The following NXPH1 variants were observed in gnomAD, a reference collection of about 807,000 sequenced individuals.
The protein encoded by NXPH1 is neurexophilin-1.
In NXPH1, 5 loss-of-function variants were observed where a neutral mutation model predicts 23.7. The observed-to-expected ratio is 0.21, with a 90% CI of 0.11 to 0.44. The LOEUF (loss-of-function observed/expected upper bound fraction) is 0.44, where lower values mean the gene tolerates loss of function less well. Ranked by LOEUF, NXPH1 falls within the 20% of genes least tolerant of loss-of-function variation. NXPH1 has a pLI of 0.99. For missense variants in NXPH1, 324 were observed against 321.6 expected, an observed-to-expected ratio of 1.01 and a Z score of -0.06; for synonymous variants, 144 against 122.2, an observed-to-expected ratio of 1.18 and a Z score of -1.18.
intron 2 of NXPH1, among the ~76,000 whole-genome samples, chr7:8,477,539 A>G (rs1241374732): frequency 6.6e-6 from 1 of 152,132 alleles, no homozygotes; most frequent in Non-Finnish European, 1.5e-5. Flanking sequence ...GGATAGAGAG[A>G]GCTATGTAAT....
intron 2 of NXPH1, among the ~76,000 whole-genome samples, chr7:8,485,737 T>C (rs1192409674): frequency 6.6e-6 from 1 of 152,188 alleles, no homozygotes; most frequent in Non-Finnish European, 1.5e-5. Flanking sequence ...TTTTCAACTG[T>C]AGGCTAATAA....
chr7:8,587,571 G>A (rs993965556), intron 2 of NXPH1, among the ~76,000 whole-genome samples: 8 of 152,226 alleles, frequency 5.3e-5, no homozygotes, highest in Non-Finnish European at 1.0e-4. Flanking sequence ...GTGTCATGGT[G>A]GTTTGTTGCA....
chr7:8,448,642 C>G (rs1171306377), intron 2 of NXPH1, among the ~76,000 whole-genome samples: 1 of 152,034 alleles, frequency 6.6e-6, no homozygotes, highest in Non-Finnish European at 1.5e-5. Flanking sequence ...CATGGTGAAA[C>G]CCTGTCTCTA....
At chr7:8,477,719 C>T (rs1480038785) in intron 2 of NXPH1, among the ~76,000 whole-genome samples, 1 of 152,080 alleles carries the variant, frequency 6.6e-6, no homozygotes, top group Admixed American at 6.6e-5. Flanking sequence ...GCATCAGGAT[C>T]ACATAGATGA....
chr7:8,587,566 A>T (rs1467762754), intron 2 of NXPH1, among the ~76,000 whole-genome samples: 1 of 152,204 alleles, frequency 6.6e-6, no homozygotes, highest in East Asian at 1.9e-4. Context: ...TACACGTGTC[A>T]TGGTGGTTTG....
intron 2 of NXPH1, among the ~76,000 whole-genome samples, chr7:8,594,272 G>A (rs765086798): frequency 3.9e-5 from 6 of 152,042 alleles, no homozygotes; most frequent in Non-Finnish European, 8.8e-5. Context: ...GGAAGAGGAA[G>A]TGTTTTGATA....
intron 2 of NXPH1, among the ~76,000 whole-genome samples, chr7:8,731,725 G>A (rs987849110): frequency 2.6e-5 from 4 of 152,222 alleles, no homozygotes; most frequent in South Asian, 4.1e-4. Context: ...CATGCTGGGA[G>A]AACCACTGCT....
intron 2 of NXPH1, among the ~76,000 whole-genome samples, chr7:8,485,724 T>G (rs1817148031): frequency 6.6e-6 from 1 of 152,152 alleles, no homozygotes; most frequent in East Asian, 1.9e-4. Context: ...AAAAAACAAC[T>G]ATTTTTCAAC....
At chr7:8,734,269 T>A (rs1228219088) in intron 2 of NXPH1, among the ~76,000 whole-genome samples, 2 of 152,232 alleles carry the variant, frequency 1.3e-5, no homozygotes, top group Admixed American at 1.3e-4. Flanking sequence ...CTGTTTTGGA[T>A]ACTGCATCCT....
At chr7:8,520,812 T>A (rs1187469536) in intron 2 of NXPH1, among the ~76,000 whole-genome samples, 1 of 152,092 alleles carries the variant, frequency 6.6e-6, no homozygotes, top group African/African-American at 2.4e-5. Flanking sequence ...TCATGCCGGG[T>A]TTTGTCACTT....
At chr7:8,724,068 A>G (rs1258992570) in intron 2 of NXPH1, among the ~76,000 whole-genome samples, 1 of 152,230 alleles carries the variant, frequency 6.6e-6, no homozygotes, top group Non-Finnish European at 1.5e-5. Flanking sequence ...AGGGCCCACA[A>G]TAACTTCTTT....
At chr7:8,458,281 A>T (rs1033355674) in intron 2 of NXPH1, among the ~76,000 whole-genome samples, 1 of 152,208 alleles carries the variant, frequency 6.6e-6, no homozygotes, top group Non-Finnish European at 1.5e-5. Flanking sequence ...GAATTTTCTC[A>T]GGCAGTTCCA....
At chr7:8,684,705 G>C (rs1821118598) in intron 2 of NXPH1, among the ~76,000 whole-genome samples, 1 of 152,134 alleles carries the variant, frequency 6.6e-6, no homozygotes, top group Admixed American at 6.6e-5. Context: ...TTTTGACATG[G>C]TGAGAAGAAA....
At chr7:8,577,087 G>T (rs1032190750) in intron 2 of NXPH1, among the ~76,000 whole-genome samples, 8 of 152,028 alleles carry the variant, frequency 5.3e-5, no homozygotes, top group African/African-American at 1.9e-4. Context: ...TATTAATACT[G>T]TATTAGTCAG....
rs147342816 is a variant in NXPH1 at position 8,449,273 on chromosome 7, C to T, written c.54+13506C>T. Among the ~76,000 whole-genome samples, 654 of 152,302 alleles carry T rather than the reference C, an allele frequency of 4.3e-3. 2 individuals carry two copies. Among genetic ancestry groups the T allele is most frequent in the African/African-American group, 0.014 (595 of 41,564 alleles). ...TGCTAAAAATATCTTGTATAGGTTA[C>T]CCTATGCCCCCTTCCAAGGCATTGC... is the stretch of plus-strand genomic sequence containing the variant. On this transcript the variant is annotated intron_variant, in intron 2 of 2. Coordinates refer to ENST00000405863, the MANE Select transcript of NXPH1 (RefSeq NM_152745.3).
intron 2 of NXPH1, among the ~76,000 whole-genome samples, chr7:8,717,747 A>G (rs746428848): frequency 6.6e-6 from 1 of 152,152 alleles, no homozygotes; most frequent in Non-Finnish European, 1.5e-5. Flanking sequence ...CTGTGAATAT[A>G]GTTTAATAAT....
chr7:8,502,628 G>GA (rs1272700935), intron 2 of NXPH1, among the ~76,000 whole-genome samples: 2 of 151,778 alleles, frequency 1.3e-5, no homozygotes, highest in Non-Finnish European at 2.9e-5. Flanking sequence ...GAAGAATAGA[G>GA]GAGTAGCAAG....
chr7:8,597,117 A>T (rs1470762495), intron 2 of NXPH1, among the ~76,000 whole-genome samples: 1 of 152,070 alleles, frequency 6.6e-6, no homozygotes, highest in Non-Finnish European at 1.5e-5. Context: ...GAGATTTGCT[A>T]CTACAACATG....
intron 2 of NXPH1, among the ~76,000 whole-genome samples, chr7:8,680,891 G>A (rs1821039764): frequency 6.6e-6 from 1 of 152,204 alleles, no homozygotes; most frequent in African/African-American, 2.4e-5. Flanking sequence ...GAATATTAGT[G>A]CTGGAAAAGG....
Sources: gnomAD v4.1 joint callset for allele counts (sites outside exome capture counted in the v4.1 genomes callset) on GRCh38, gnomAD v4.1.1 for gene constraint, MANE v1.5 for transcripts, NCBI Gene and HGNC (gene_info 2026-07-23, HGNC 2026-07-21) for gene names.